Variants in RPS6KC1 observed in about 807,000 individuals in gnomAD.
RPS6KC1 encodes the protein ribosomal protein S6 kinase C1.
A neutral mutation model predicts 103.8 loss-of-function variants in RPS6KC1; 54 were observed. The ratio of observed to expected loss-of-function variants is 0.52; its 90% CI spans 0.42 to 0.65. The LOEUF (loss-of-function observed/expected upper bound fraction) is 0.65, where lower values mean the gene tolerates loss of function less well. RPS6KC1 is among the 30% of genes least tolerant of loss of function. RPS6KC1 has a pLI of 0.00. For synonymous variants in RPS6KC1, 439 were observed against 438.7 expected (o/e 1.00, Z -0.01); for missense variants, 1,151 against 1,253.8 (o/e 0.92, Z 1.24).
chr1:213,745,504 G>A, the RPS6KC1 span, among the ~76,000 whole-genome samples: 1 of 151,920 alleles, frequency 6.6e-6, no homozygotes, highest in South Asian at 2.1e-4. Flanking sequence ...GGAAAATGCC[G>A]CCGGATGATG....
the RPS6KC1 span, among the ~76,000 whole-genome samples, chr1:213,670,698 A>C: frequency 6.6e-6 from 1 of 152,062 alleles, no homozygotes; most frequent in Admixed American, 6.5e-5. Context: ...ACTGACCTGG[A>C]AGCTGCAAAG....
chr1:213,295,123 T>G, the RPS6KC1 span, among the ~76,000 whole-genome samples: 12 of 152,158 alleles, frequency 7.9e-5, no homozygotes, highest in Non-Finnish European at 1.2e-4. Flanking sequence ...TCAGAAGAAT[T>G]CTGAAATCAG....
chr1:213,523,281 C>T, the RPS6KC1 span, among the ~76,000 whole-genome samples: 1 of 152,122 alleles, frequency 6.6e-6, no homozygotes, highest in Non-Finnish European at 1.5e-5. Context: ...AGCAATTAGA[C>T]TAGTAACATC....
chr1:213,149,309 A>G (rs549339944), intron 6 of RPS6KC1, among the ~76,000 whole-genome samples: 1 of 151,930 alleles, frequency 6.6e-6, no homozygotes, highest in South Asian at 2.1e-4. Flanking sequence ...CCCTCTCAGT[A>G]TTGCTTTTGC....
the RPS6KC1 span, among the ~76,000 whole-genome samples, chr1:213,831,389 G>A: frequency 7.9e-5 from 12 of 152,194 alleles, no homozygotes; most frequent in Non-Finnish European, 1.5e-4. Flanking sequence ...TTGGAGTGAT[G>A]TAAGGAAGGG....
chr1:213,095,615 A>T (rs2081374945), intron 3 of RPS6KC1, among the ~76,000 whole-genome samples: 1 of 152,192 alleles, frequency 6.6e-6, no homozygotes, highest in Non-Finnish European at 1.5e-5. Context: ...TTATACACAC[A>T]CAGAAATATA....
At chr1:213,088,261 G>A (rs2080612951) in intron 3 of RPS6KC1, among the ~76,000 whole-genome samples, 1 of 152,184 alleles carries the variant, frequency 6.6e-6, no homozygotes, top group Admixed American at 6.5e-5. Context: ...CCTTGGAGAA[G>A]AGTTCCCCTT....
chr1:213,545,430 T>TAAAA, the RPS6KC1 span, among the ~76,000 whole-genome samples: 1 of 61,894 alleles, frequency 1.6e-5, no homozygotes, highest in Non-Finnish European at 4.6e-5. Flanking sequence ...TAAAATAAAA[T>TAAAA]AAAAGAGAGA....
At chr1:213,222,432 T>C (rs958445318) in intron 8 of RPS6KC1, among the ~76,000 whole-genome samples, 1 of 152,218 alleles carries the variant, frequency 6.6e-6, no homozygotes, top group Non-Finnish European at 1.5e-5. Context: ...GACAGATTGG[T>C]TTCATGGCAT....
At chr1:213,634,016 C>A in the RPS6KC1 span, among the ~76,000 whole-genome samples, 1 of 146,720 alleles carries the variant, frequency 6.8e-6, no homozygotes, top group South Asian at 2.3e-4. Context: ...ATCAATTCAA[C>A]AAGAAGAGCT....
At chr1:213,791,729 A>G in the RPS6KC1 span, among the ~76,000 whole-genome samples, 2 of 152,192 alleles carry the variant, frequency 1.3e-5, no homozygotes, top group Admixed American at 6.5e-5. Context: ...TAGCTTCATA[A>G]CATCCCTATG....
chr1:213,372,902 G>A, the RPS6KC1 span, among the ~76,000 whole-genome samples: 1 of 151,952 alleles, frequency 6.6e-6, no homozygotes, highest in Non-Finnish European at 1.5e-5. Flanking sequence ...ATAAATATCT[G>A]TATTCCCCTC....
the RPS6KC1 span, among the ~76,000 whole-genome samples, chr1:213,588,154 C>G: frequency 6.6e-6 from 1 of 152,130 alleles, no homozygotes; most frequent in African/African-American, 2.4e-5. Flanking sequence ...TAGCTCACCA[C>G]AGCCTCAACC....
intron 1 of RPS6KC1, among the ~76,000 whole-genome samples, chr1:213,059,343 C>G (rs1311614617): frequency 6.6e-6 from 1 of 152,042 alleles, no homozygotes; most frequent in East Asian, 1.9e-4. Context: ...ATTTCTTTTT[C>G]TTGCTTTATT....
At chr1:213,073,048 A>C (rs946501999) in intron 2 of RPS6KC1, 1 of 270,044 alleles carries the variant, frequency 3.7e-6, no homozygotes, top group African/African-American at 2.3e-5. Context: ...AAATTTTTAA[A>C]AGTTTTCTAT....
At chr1:213,190,381 A>G (rs982698743) in intron 8 of RPS6KC1, among the ~76,000 whole-genome samples, 6 of 152,036 alleles carry the variant, frequency 3.9e-5, no homozygotes, top group Non-Finnish European at 8.8e-5. Context: ...TATAGTTTTG[A>G]TTTGCATTTC....
At chr1:213,796,876 T>C in the RPS6KC1 span, among the ~76,000 whole-genome samples, 103 of 152,324 alleles carry the variant, frequency 6.8e-4, no homozygotes, top group African/African-American at 2.4e-3. Context: ...ATGCACTGTA[T>C]CTTTAAACGT....
chr1:213,237,242 A>G (rs746273904), intron 10 of RPS6KC1, among the ~76,000 whole-genome samples: 3 of 152,108 alleles, frequency 2.0e-5, no homozygotes, highest in Admixed American at 1.3e-4. Context: ...GAGCCATGCT[A>G]TGTGAATGTA....
chr1:213,281,425 T>G, the RPS6KC1 span, among the ~76,000 whole-genome samples: 3 of 152,242 alleles, frequency 2.0e-5, no homozygotes, highest in Non-Finnish European at 4.4e-5. Context: ...CTAATGTGAT[T>G]AGGGCAGGGC....
Sources: allele counts gnomAD v4.1 joint callset (sites outside exome capture counted in the v4.1 genomes callset), GRCh38; gene constraint gnomAD v4.1.1; transcripts MANE v1.5; gene names NCBI Gene and HGNC (gene_info 2026-07-23, HGNC 2026-07-21).